Variants in STK24 observed in about 807,000 individuals in gnomAD.
The protein encoded by STK24 is serine/threonine-protein kinase 24.
A neutral mutation model predicts 55.6 loss-of-function variants in STK24; 21 were observed. The observed-to-expected ratio is 0.38, with a 90% CI of 0.27 to 0.54. STK24 has a LOEUF of 0.54. Ranked by LOEUF, STK24 falls within the 20% of genes least tolerant of loss-of-function variation. The pLI is 0.79. For missense variants in STK24, 383 were observed against 538.4 expected, an observed-to-expected ratio of 0.71 and a Z score of 2.86; for synonymous variants, 200 against 215.2, an observed-to-expected ratio of 0.93 and a Z score of 0.62.
Position 98,448,035 on chromosome 13 carries a change from T to C in STK24, c.*5138A>G, listed in dbSNP as rs1892964367. The C allele has an allele frequency of 5.0e-6, 3 of 599,450 alleles. No homozygotes were observed. Among genetic ancestry groups the C allele is most frequent in the Non-Finnish European group, 9.0e-6 (3 of 333,258 alleles). The allele number at this position is 599,450 out of a possible 1,614,324, so 37.1% of individuals were successfully genotyped here. A position where few individuals can be genotyped will look rare whatever the true frequency, so the allele number is the denominator to read the frequency against. Reference sequence around the variant, plus strand: ...CAGCAAGGTACTTCCAGCTCCACACTGAGTGAGTGCCCAGGCCAGTGGGTC... The same window carrying C: ...CAGCAAGGTACTTCCAGCTCCACACCGAGTGAGTGCCCAGGCCAGTGGGTC... On this transcript the variant is annotated 3_prime_UTR_variant, in exon 11 of 11. Coordinates refer to ENST00000539966, the MANE Select transcript of STK24 (RefSeq NM_001032296.4).
At chr13:98,493,818 A>T (rs1041583220) in intron 2 of STK24, among the ~76,000 whole-genome samples, 33 of 151,712 alleles carry the variant, frequency 2.2e-4, no homozygotes, top group African/African-American at 7.8e-4. Flanking sequence ...TAAAGACTTA[A>T]CGGTATTCTG....
chr13:98,475,840 G>T (rs371860350), intron 3 of STK24, among the ~76,000 whole-genome samples: 11 of 152,212 alleles, frequency 7.2e-5, no homozygotes, highest in African/African-American at 2.6e-4. Context: ...AACATATGTG[G>T]TTCCCTTACC....
chr13:98,488,160 G>GAC (rs71213678), intron 2 of STK24, among the ~76,000 whole-genome samples: 24,086 of 130,104 alleles, frequency 0.19, 2,189 homozygotes, highest in Middle Eastern at 0.21. Context: ...AAGAGATGAA[G>GAC]ACACACACAC....
chr13:98,564,305 C>T (rs896354856), intron 1 of STK24, among the ~76,000 whole-genome samples: 1 of 152,176 alleles, frequency 6.6e-6, no homozygotes, highest in Admixed American at 6.5e-5. Context: ...CTCTCCCCTG[C>T]GGCATCCCAG....
intron 1 of STK24, among the ~76,000 whole-genome samples, chr13:98,536,979 C>T (rs1896755124): frequency 6.6e-6 from 1 of 152,226 alleles, no homozygotes; most frequent in Non-Finnish European, 1.5e-5. Flanking sequence ...GGAGCCCGCC[C>T]CTCCCGGCTC....
At chr13:98,468,687 T>C (rs1163504256) in intron 5 of STK24, among the ~76,000 whole-genome samples, 3 of 152,234 alleles carry the variant, frequency 2.0e-5, no homozygotes, top group Non-Finnish European at 2.9e-5. Flanking sequence ...GCATGCTGTC[T>C]CCTGGCCACA....
At chr13:98,550,315 G>A (rs1348685366) in intron 1 of STK24, among the ~76,000 whole-genome samples, 3 of 152,232 alleles carry the variant, frequency 2.0e-5, no homozygotes, top group Non-Finnish European at 4.4e-5. Flanking sequence ...AAGGGGGGAA[G>A]ATCGCGTGAG....
chr13:98,494,945 G>A (rs533801335), intron 2 of STK24, among the ~76,000 whole-genome samples: 38 of 152,276 alleles, frequency 2.5e-4, no homozygotes, highest in Admixed American at 3.3e-4. Context: ...AGCACAGAAG[G>A]AACCACCACC....
In STK24 at chr13:98,446,987, G is replaced by A. The variant is rs1406794382; in HGVS notation, c.*6186C>T. Reference sequence around the variant, plus strand: ...ACCAGCAGGCGATTCTGTTCTCATGGCAGAAAGTGGGGTCCCAACTTCCCT... The same window carrying A: ...ACCAGCAGGCGATTCTGTTCTCATGACAGAAAGTGGGGTCCCAACTTCCCT... On this transcript the variant is annotated 3_prime_UTR_variant, in exon 11 of 11. Coordinates refer to ENST00000539966, the MANE Select transcript of STK24 (RefSeq NM_001032296.4). The A allele has an allele frequency of 3.0e-6, 2 of 666,146 alleles. No individual in the cohort carries two copies. The highest frequency in any genetic ancestry group is 3.6e-5 in the African/African-American group (2 of 55,192). 41.3% of individuals were successfully genotyped at this position (666,146 alleles called of 1,614,324 possible). A position where few individuals can be genotyped will look rare whatever the true frequency, so the allele number is the denominator to read the frequency against.
rs182397331 is a variant in STK24, at chr13:98,459,990, G to A, written c.1122+382C>T. ...TGAAACATGTGGCTCAGGGGAAACC[G>A]GAGGACTCCAGGGCATCCAACGTCT... On this transcript the variant is annotated intron_variant, in intron 9 of 10. Coordinates refer to ENST00000539966, the MANE Select transcript of STK24 (RefSeq NM_001032296.4). 6.6e-5 allele frequency among the ~76,000 whole-genome samples: 10 copies of A among 152,296 alleles called. No homozygotes were observed. In the East Asian group the frequency reaches 1.7e-3, roughly 27 times the overall value.
chr13:98,505,850 C>T (rs1489926375), intron 2 of STK24, among the ~76,000 whole-genome samples: 1 of 152,122 alleles, frequency 6.6e-6, no homozygotes, highest in African/African-American at 2.4e-5. Context: ...GAAATGCCTG[C>T]AGATACTTGA....
intron 2 of STK24, among the ~76,000 whole-genome samples, chr13:98,501,644 C>A (rs1010990018): frequency 3.9e-5 from 6 of 152,002 alleles, no homozygotes; most frequent in African/African-American, 1.5e-4. Context: ...ATATATACAC[C>A]TACTGTGTAC....
intron 2 of STK24, among the ~76,000 whole-genome samples, chr13:98,490,831 A>C (rs1305251074): frequency 8.3e-6 from 1 of 120,120 alleles, no homozygotes; most frequent in African/African-American, 4.6e-5. Flanking sequence ...AGCCTACATT[A>C]AAAAAAAAAA....
chr13:98,552,035 T>C (rs1897171710), intron 1 of STK24, among the ~76,000 whole-genome samples: 1 of 152,176 alleles, frequency 6.6e-6, no homozygotes, highest in African/African-American at 2.4e-5. Flanking sequence ...CAGCTCTAAA[T>C]GTACGATAGT....
At chr13:98,478,179 C>T (rs1489979395) in intron 3 of STK24, among the ~76,000 whole-genome samples, 1 of 152,194 alleles carries the variant, frequency 6.6e-6, no homozygotes, top group Non-Finnish European at 1.5e-5. Flanking sequence ...TGCGACCATG[C>T]TCTCCATCAT....
At chr13:98,572,429 G>C (rs768987163) in intron 1 of STK24, among the ~76,000 whole-genome samples, 1 of 152,100 alleles carries the variant, frequency 6.6e-6, no homozygotes, top group Non-Finnish European at 1.5e-5. Flanking sequence ...AGGAAGGAAC[G>C]GAAAAGAACC....
intron 2 of STK24, among the ~76,000 whole-genome samples, chr13:98,497,119 G>C (rs1594612377): frequency 6.6e-6 from 1 of 152,076 alleles, no homozygotes; most frequent in South Asian, 2.1e-4. Context: ...CCCACTCTTC[G>C]GCACACCTCT....
chr13:98,551,792 A>G (rs537351256), intron 1 of STK24, among the ~76,000 whole-genome samples: 1 of 152,370 alleles, frequency 6.6e-6, no homozygotes, highest in Non-Finnish European at 1.5e-5. Flanking sequence ...GACAGCAGGT[A>G]TGGCGTAGGC....
At chr13:98,552,901 C>T (rs1226692947) in intron 1 of STK24, among the ~76,000 whole-genome samples, 1 of 152,174 alleles carries the variant, frequency 6.6e-6, no homozygotes, top group Non-Finnish European at 1.5e-5. Context: ...TGTCACTATA[C>T]GTTTGTCAAA....
Sources: gnomAD v4.1 joint callset for allele counts (sites outside exome capture counted in the v4.1 genomes callset) on GRCh38, gnomAD v4.1.1 for gene constraint, MANE v1.5 for transcripts, NCBI Gene and HGNC (gene_info 2026-07-23, HGNC 2026-07-21) for gene names.